RBM27: variants seen among roughly 807,000 people sequenced by gnomAD.
The protein encoded by RBM27 is RNA binding motif protein 27.
RBM27 carries 22 observed loss-of-function variants against 135.3 expected under a neutral mutation model. That is an observed-to-expected ratio of 0.16 (90% CI 0.12 to 0.23). The LOEUF (loss-of-function observed/expected upper bound fraction) is 0.23, where lower values mean the gene tolerates loss of function less well. RBM27 is among the 10% of genes least tolerant of loss of function. RBM27 has a pLI of 1.00. For missense variants in RBM27, 1,009 were observed against 1,281.0 expected (o/e 0.79, Z 3.24); for synonymous variants, 481 against 442.4 (o/e 1.09, Z -1.10).
At chr5:146,231,663 G>A (rs1295653448) in intron 6 of RBM27, among the ~76,000 whole-genome samples, 1 of 151,838 alleles carries the variant, frequency 6.6e-6, no homozygotes, top group African/African-American at 2.4e-5. Flanking sequence ...TGTCCCCCAG[G>A]CTAGTGTGCA....
intron 6 of RBM27, among the ~76,000 whole-genome samples, chr5:146,232,464 T>C (rs1296816459): frequency 6.6e-6 from 1 of 152,250 alleles, no homozygotes; most frequent in Non-Finnish European, 1.5e-5. Flanking sequence ...ATGCTACTCA[T>C]ACTTCTGCAT....
intron 17 of RBM27, among the ~76,000 whole-genome samples, chr5:146,270,507 A>G (rs1463387202): frequency 6.6e-6 from 1 of 152,224 alleles, no homozygotes; most frequent in Non-Finnish European, 1.5e-5. Context: ...ATTGGCAGTC[A>G]TGTCTTTTAA....
chr5:146,288,938 T>C lies in RBM27; in HGVS notation c.*2908T>C, dbSNP rs1269810613. 1 of 152,090 alleles carries C rather than the reference T, an allele frequency of 6.6e-6. No homozygotes were observed. Among genetic ancestry groups the C allele is most frequent in the Non-Finnish European group, 1.5e-5 (1 of 67,936 alleles). The allele number at this position is 152,090 out of a possible 1,614,324, so 9.4% of individuals were successfully genotyped here. On this transcript the variant is annotated 3_prime_UTR_variant, in exon 21 of 21. Transcript: ENST00000265271. Reference sequence around the variant, plus strand: ...AGGAATAGTGGTTCCTCTTGATGTATAGTATGCCTGTATTATAGTTTTTAC... The same window carrying C: ...AGGAATAGTGGTTCCTCTTGATGTACAGTATGCCTGTATTATAGTTTTTAC...
chr5:146,255,171 C>G, intron 10 of RBM27, 79 bp downstream of exon 10: 1 of 1,322,896 alleles, frequency 7.6e-7, no homozygotes, highest in Non-Finnish European at 1.0e-6. Flanking sequence ...CATTTCTGGC[C>G]TAGCTTGAGG....
intron 8 of RBM27, 23 bp from the exon 9 acceptor site, chr5:146,251,688 C>T (rs762746066): frequency 1.3e-6 from 2 of 1,574,084 alleles, no homozygotes; most frequent in East Asian, 4.5e-5. Context: ...TTCCCAGCTG[C>T]CCTCCTATTC....
At chr5:146,251,185 C>G (rs560839259) in intron 8 of RBM27, among the ~76,000 whole-genome samples, 32 of 151,936 alleles carry the variant, frequency 2.1e-4, no homozygotes, top group African/African-American at 7.5e-4. Context: ...TTATTCTTTG[C>G]GAAGGTATGC....
intron 6 of RBM27, 151 bp downstream of exon 6, chr5:146,231,068 AT>A: frequency 9.8e-7 from 1 of 1,016,594 alleles, no homozygotes; most frequent in East Asian, 2.7e-5. Flanking sequence ...GTCACCCAGG[AT>A]GGAGTGCAGT....
In RBM27 at chr5:146,219,085, G is replaced by C; in HGVS notation, c.160G>C (p.Asp54His). 1 of 1,606,966 alleles carries C rather than the reference G, an allele frequency of 6.2e-7. No individual in the cohort carries two copies. Among genetic ancestry groups the C allele is most frequent in the Non-Finnish European group, 8.5e-7 (1 of 1,176,516 alleles). ...ELKAFCADQLDVFLQKETSGF... is the reference protein window; with the variant it reads ...ELKAFCADQLHVFLQKETSGF... ...AAAAGCCTTTTGTGCTGATCAACTT[G>C]ATGTCTTTTTACAAAAAGGTAATTA... Residue 54 changes from aspartate (D) to histidine (H), a missense_variant, in exon 2 of 21, where the codon GAT (aspartate) becomes CAT (histidine). Around this residue, in one of 6 missense-constraint regions of RBM27, gnomAD observed 268 missense variants for 326.6 expected, o/e 0.82. Coordinates refer to ENST00000265271, the MANE Select transcript of RBM27 (RefSeq NM_018989.2).
At position 146,203,637 on chromosome 5, in the gene RBM27, T is replaced by A; in HGVS notation, c.-129T>A. On this transcript the variant is annotated 5_prime_UTR_variant, in exon 1 of 21. The change creates a new upstream start codon in the 5' untranslated region. Transcript: ENST00000265271. ...GTTAGGCCCCGGCCGGGGGAGTAGG[T>A]TGAAGTCTCCTAAGATGCCCGGTGG... 2.4e-6 allele frequency: 2 copies of A among 826,770 alleles called. No homozygotes were observed. The highest frequency in any genetic ancestry group is 3.1e-5 in the South Asian group (2 of 63,500). The allele number at this position is 826,770 out of a possible 1,614,324, so 51.2% of individuals were successfully genotyped here.
intron 15 of RBM27, among the ~76,000 whole-genome samples, chr5:146,268,234 A>G (rs1214028531): frequency 6.9e-6 from 1 of 145,858 alleles, no homozygotes; most frequent in East Asian, 2.0e-4. Flanking sequence ...TTACTCTCTT[A>G]TTTCTTATTT....
In RBM27 at chr5:146,261,739, A is replaced by G. The variant is rs1272858002; in HGVS notation, c.2123A>G (p.His708Arg). 2 of 1,614,184 alleles carry G rather than the reference A, an allele frequency of 1.2e-6. No individual in the cohort carries two copies. The highest frequency in any genetic ancestry group is 1.3e-5 in the African/African-American group (1 of 75,060). ...CAGCAGCACCATCACCTGCCACAGC[A>G]TCTACATCAGCAGCAGGTGCTAGTG... Reference protein sequence around the residue: ...LSQQHHHLPQHLHQQQVLVAQ... With the variant: ...LSQQHHHLPQRLHQQQVLVAQ... The change falls in exon 13 of 21, where the codon CAT becomes CGT. Residue 708 changes from histidine to arginine, a missense_variant. By Grantham distance (29) the His-to-Arg change is conservative. Transcript: ENST00000265271.
chr5:146,279,553 A>G (rs1759241614), intron 19 of RBM27, among the ~76,000 whole-genome samples: 2 of 152,188 alleles, frequency 1.3e-5, no homozygotes, highest in Admixed American at 1.3e-4. Context: ...CACGCCTATA[A>G]TCACAGCACT....
chr5:146,221,147 CA>C (rs77849788), intron 2 of RBM27, among the ~76,000 whole-genome samples: 3,101 of 83,916 alleles, frequency 0.037, 32 homozygotes, highest in African/African-American at 0.058. Flanking sequence ...GACTCCATCT[CA>C]AAAAAAAAAA....
intron 6 of RBM27, 143 bp downstream of exon 6, chr5:146,231,060 C>CTCA: frequency 1.9e-6 from 2 of 1,076,882 alleles, no homozygotes; most frequent in Non-Finnish European, 2.6e-6. Flanking sequence ...CTTGCTCTGT[C>CTCA]ACCCAGGATG....
chr5:146,281,676 A>G (rs900215181), intron 19 of RBM27, among the ~76,000 whole-genome samples: 5 of 152,258 alleles, frequency 3.3e-5, no homozygotes, highest in Admixed American at 6.5e-5. Flanking sequence ...CTAGAGGCTC[A>G]TAAGAGTCTA....
At chr5:146,249,579 A>G (rs934813556) in intron 8 of RBM27, among the ~76,000 whole-genome samples, 3 of 149,620 alleles carry the variant, frequency 2.0e-5, no homozygotes, top group Non-Finnish European at 4.4e-5. Flanking sequence ...CCCAGCTACT[A>G]GGGAGGCTGA....
intron 1 of RBM27, among the ~76,000 whole-genome samples, chr5:146,209,237 A>G (rs1755835023): frequency 6.6e-6 from 1 of 152,202 alleles, no homozygotes; most frequent in Non-Finnish European, 1.5e-5. Context: ...AACTTTCTGC[A>G]AAAGTATTTT....
chr5:146,217,278 T>A (rs940545133), intron 1 of RBM27, among the ~76,000 whole-genome samples: 1 of 152,068 alleles, frequency 6.6e-6, no homozygotes, highest in Non-Finnish European at 1.5e-5. Flanking sequence ...GGTGAATGGA[T>A]GTTTAAAGAA....
At chr5:146,219,158 C>T in intron 2 of RBM27, 55 bp downstream of exon 2, 1 of 1,320,816 alleles carries the variant, frequency 7.6e-7, no homozygotes, top group Non-Finnish European at 1.1e-6. Context: ...AAGTTTAAAA[C>T]TTCCTGAAAA....
Sources: allele counts gnomAD v4.1 joint callset (sites outside exome capture counted in the v4.1 genomes callset), GRCh38; gene constraint gnomAD v4.1.1; regional missense constraint gnomAD v4.1.1; transcripts MANE v1.5; gene names NCBI Gene and HGNC (gene_info 2026-07-23, HGNC 2026-07-21).